Variants in PCNX1 observed in about 807,000 individuals in gnomAD.
PCNX1 encodes pecanex 1.
In PCNX1, 78 loss-of-function variants were observed where a neutral mutation model predicts 242.2. That is an observed-to-expected ratio of 0.32 (90% confidence interval 0.27 to 0.39). The LOEUF is 0.39. Ranked by LOEUF, PCNX1 falls within the 10% of genes least tolerant of loss-of-function variation. PCNX1 has a pLI of 1.00. For synonymous variants in PCNX1, 1,024 were observed against 1,032.9 expected (o/e 0.99, Z 0.17); for missense variants, 2,581 against 2,856.5 (o/e 0.90, Z 2.20).
Position 71,036,087 on chromosome 14 carries a change from TG to T in PCNX1, c.3799del (p.Val1267Ter). ...NSVSERLQSD[L>X]VVCIVIGVLY... The stretch of plus-strand genomic sequence containing the variant: ...CAGAGTGAGCGATTACAGTCTGACC[TG>T]GTAGTATGCATTGTAATTGGTGTGC... On this transcript the variant is annotated frameshift_variant, in exon 19 of 36. Coordinates refer to ENST00000304743, the MANE Select transcript of PCNX1 (RefSeq NM_014982.3). LOFTEE classifies it high-confidence loss of function. 1 of 1,604,936 alleles carries T rather than the reference TG, an allele frequency of 6.2e-7. No individual in the cohort carries two copies. The highest frequency in any genetic ancestry group is 8.5e-7 in the Non-Finnish European group (1 of 1,171,702).
chr14:70,936,333 A>G (rs1476378278), intron 1 of PCNX1, among the ~76,000 whole-genome samples: 1 of 126,894 alleles, frequency 7.9e-6, no homozygotes, highest in African/African-American at 3.1e-5. Context: ...CCCTGTGTCC[A>G]TGTGCTCCCA....
chr14:70,962,715 A>T (rs1425656833), intron 3 of PCNX1, among the ~76,000 whole-genome samples: 1 of 152,230 alleles, frequency 6.6e-6, no homozygotes, highest in Non-Finnish European at 1.5e-5. Flanking sequence ...CTCAGTGTTC[A>T]AGATGTTTAA....
chr14:71,057,472 G>A, intron 25 of PCNX1, 37 bp from the exon 26 acceptor site: 2 of 1,347,268 alleles, frequency 1.5e-6, no homozygotes, highest in Non-Finnish European at 2.1e-6. Context: ...GAGGACTTAA[G>A]GTTAAATTTA....
Position 70,977,296 on chromosome 14 carries a change from A to G in PCNX1, c.959A>G (p.Lys320Arg), listed in dbSNP as rs1465846930. 8 of 1,614,196 alleles carry G rather than the reference A, an allele frequency of 5.0e-6. No homozygotes were observed. In the Admixed American group the frequency reaches 8.3e-5, roughly 17 times the overall value. ...LDPVSELESS[K>R]PLSGSKESLV... ...CCAGTTAGTGAGTTAGAATCTTCCAAGCCTCTTTCTGGATCCAAAGAATCC... is the reference window on the plus strand; with the variant it reads ...CCAGTTAGTGAGTTAGAATCTTCCAGGCCTCTTTCTGGATCCAAAGAATCC... Residue 320 changes from lysine to arginine, a missense_variant, in exon 6 of 36, where the codon AAG becomes AGG. Physicochemically the swap from Lys to Arg is conservative, Grantham distance 26. Transcript: ENST00000304743.
In PCNX1 at chr14:71,088,521, T is replaced by C. The variant is rs140172725; in HGVS notation, c.5438+91T>C. ...ATTTTTCATGGACGCATGTATTCTATGCTAATTTATTGTAAAGTCTTTTTA... is the reference window on the plus strand; with the variant it reads ...ATTTTTCATGGACGCATGTATTCTACGCTAATTTATTGTAAAGTCTTTTTA... On this transcript the variant is annotated intron_variant, in intron 29 of 35. Coordinates refer to ENST00000304743, the MANE Select transcript of PCNX1 (RefSeq NM_014982.3). 5,229 of 681,932 alleles carry C rather than the reference T, an allele frequency of 7.7e-3. 26 individuals carry two copies. Among genetic ancestry groups the C allele is most frequent in the Non-Finnish European group, 0.011 (4,040 of 383,872 alleles). 42.2% of individuals were successfully genotyped at this position (681,932 alleles called of 1,614,324 possible).
chr14:70,953,274 G>C (rs1023206792), intron 2 of PCNX1, among the ~76,000 whole-genome samples: 23 of 152,048 alleles, frequency 1.5e-4, no homozygotes, highest in African/African-American at 4.1e-4. Context: ...GCAAGACCCT[G>C]TCTTGAAAAA....
intron 8 of PCNX1, among the ~76,000 whole-genome samples, chr14:70,998,072 T>C (rs1034937905): frequency 5.3e-5 from 8 of 152,344 alleles, no homozygotes; most frequent in Non-Finnish European, 1.2e-4. Context: ...CATACACACA[T>C]ACATGTTTGA....
At chr14:71,005,475 T>C (rs564317644) in intron 8 of PCNX1, among the ~76,000 whole-genome samples, 1 of 149,790 alleles carries the variant, frequency 6.7e-6, no homozygotes, top group South Asian at 2.3e-4. Context: ...GCCATTGCAC[T>C]CCAGCCTGGG....
At chr14:70,937,985 C>A (rs2057079655) in intron 1 of PCNX1, among the ~76,000 whole-genome samples, 1 of 152,158 alleles carries the variant, frequency 6.6e-6, no homozygotes, top group African/African-American at 2.4e-5. Flanking sequence ...GATTTTGTAT[C>A]CTGAGACTTT....
intron 1 of PCNX1, among the ~76,000 whole-genome samples, chr14:70,946,277 T>C (rs1447128759): frequency 6.6e-6 from 1 of 152,248 alleles, no homozygotes; most frequent in Admixed American, 6.5e-5. Flanking sequence ...ACAGTCACAG[T>C]TCTAAGGTCA....
intron 1 of PCNX1, among the ~76,000 whole-genome samples, chr14:70,943,662 G>A (rs563759203): frequency 1.2e-4 from 18 of 152,302 alleles, no homozygotes; most frequent in Non-Finnish European, 2.1e-4. Flanking sequence ...CATAAGTAAC[G>A]AGGAGCCAAA....
At chr14:70,967,359 T>A (rs2058411285) in intron 3 of PCNX1, among the ~76,000 whole-genome samples, 1 of 152,272 alleles carries the variant, frequency 6.6e-6, no homozygotes, top group Non-Finnish European at 1.5e-5. Context: ...CTAACTTTGC[T>A]TGACTGTTTT....
chr14:71,051,932 T>C lies in PCNX1; in HGVS notation c.4497T>C (p.Thr1499=). Residue 1499 remains threonine (T), a synonymous_variant, in exon 24 of 36, where the codon ACT becomes ACC. Transcript: ENST00000304743. ...IQAAVSAFFS[T]PLNPFLGSAI... ...CTGCTGTCTCGGCCTTCTTCTCTAC[T>C]CCACTGAACCCCTTTCTGGGAAGTG... is the stretch of plus-strand genomic sequence containing the variant. 6.2e-7 allele frequency: 1 copy of C among 1,613,720 alleles called. No homozygotes were observed. Among genetic ancestry groups the C allele is most frequent in the Non-Finnish European group, 8.5e-7 (1 of 1,179,686 alleles).
chr14:71,001,315 A>G (rs1270835558), intron 8 of PCNX1, among the ~76,000 whole-genome samples: 2 of 152,120 alleles, frequency 1.3e-5, no homozygotes, highest in South Asian at 2.1e-4. Context: ...CAAGGGGAAT[A>G]TACATTTTTG....
intron 7 of PCNX1, among the ~76,000 whole-genome samples, chr14:70,995,426 A>C (rs763212343): frequency 1.6e-4 from 25 of 152,120 alleles, no homozygotes; most frequent in Non-Finnish European, 3.2e-4. Context: ...GAATGTACTT[A>C]TGATTCTTTT....
chr14:71,011,602 A>G (rs2059822778), intron 10 of PCNX1, 53 bp downstream of exon 10: 2 of 1,056,900 alleles, frequency 1.9e-6, no homozygotes, highest in South Asian at 1.3e-5. Flanking sequence ...TAAATCTGAA[A>G]TATGTATTTA....
At chr14:71,006,693 A>C (rs988994658) in intron 8 of PCNX1, among the ~76,000 whole-genome samples, 1 of 152,218 alleles carries the variant, frequency 6.6e-6, no homozygotes, top group African/African-American at 2.4e-5. Context: ...ATGCCAAGAA[A>C]ACTTGTACAA....
At chr14:70,925,649 T>C (rs1431128284) in intron 1 of PCNX1, among the ~76,000 whole-genome samples, 1 of 151,714 alleles carries the variant, frequency 6.6e-6, no homozygotes, top group Non-Finnish European at 1.5e-5. Context: ...TATTTGCTTG[T>C]CTTAATTTTG....
chr14:71,049,043 A>G (rs1412742924), intron 22 of PCNX1: 6 of 951,946 alleles, frequency 6.3e-6, no homozygotes, highest in African/African-American at 3.5e-5. Flanking sequence ...AGAGAATTGT[A>G]TAAAGAAGCA....
Sources: gnomAD v4.1 joint callset for allele counts (sites outside exome capture counted in the v4.1 genomes callset) on GRCh38, gnomAD v4.1.1 for gene constraint, MANE v1.5 for transcripts, NCBI Gene and HGNC (gene_info 2026-07-23, HGNC 2026-07-21) for gene names.